Variants in NKAIN2 observed in about 807,000 individuals in gnomAD.
The protein encoded by NKAIN2 is sodium/potassium-transporting ATPase subunit beta-1-interacting protein 2.
Under a neutral mutation model 32.6 loss-of-function variants are expected in NKAIN2, and 14 were observed. The observed-to-expected ratio is 0.43, with a 90% CI of 0.28 to 0.67. The LOEUF (loss-of-function observed/expected upper bound fraction) is 0.67. Among genes scored for constraint, NKAIN2 ranks in the 30% least tolerant of loss-of-function variants. The pLI is 0.17. For synonymous variants in NKAIN2, 80 were observed against 87.2 expected, an observed-to-expected ratio of 0.92 and a Z score of 0.46; for missense variants, 198 against 258.3, an observed-to-expected ratio of 0.77 and a Z score of 1.60.
At chr6:123,945,894 G>C (rs1777040144) in intron 1 of NKAIN2, among the ~76,000 whole-genome samples, 1 of 152,124 alleles carries the variant, frequency 6.6e-6, no homozygotes, top group Non-Finnish European at 1.5e-5. Context: ...GGATGACTGA[G>C]CCTTCAGCAC....
intron 1 of NKAIN2, among the ~76,000 whole-genome samples, chr6:123,949,985 TAG>T (rs1199767327): frequency 3.3e-5 from 5 of 152,052 alleles, no homozygotes; most frequent in Admixed American, 1.3e-4. Context: ...GCCTAGTTTG[TAG>T]AGAGTTTTTA....
chr6:124,370,318 T>G (rs1430409538), intron 3 of NKAIN2, among the ~76,000 whole-genome samples: 1 of 152,004 alleles, frequency 6.6e-6, no homozygotes, highest in Admixed American at 6.6e-5. Context: ...TTCCGCCTCT[T>G]TATAGGTTAT....
intron 4 of NKAIN2, among the ~76,000 whole-genome samples, chr6:124,773,517 AG>A (rs1778853092): frequency 6.6e-6 from 1 of 152,142 alleles, no homozygotes; most frequent in South Asian, 2.1e-4. Context: ...ATGGGTTTAT[AG>A]GCCTGCAGGC....
intron 3 of NKAIN2, among the ~76,000 whole-genome samples, chr6:124,477,077 T>G (rs963922478): frequency 1.3e-5 from 2 of 152,146 alleles, no homozygotes; most frequent in African/African-American, 4.8e-5. Flanking sequence ...CTGCATTAAT[T>G]TTTTCTGTCA....
chr6:124,236,450 T>A (rs1456461515), intron 1 of NKAIN2, among the ~76,000 whole-genome samples: 1 of 152,096 alleles, frequency 6.6e-6, no homozygotes, highest in African/African-American at 2.4e-5. Flanking sequence ...TGGTCCAAGT[T>A]GTGGGAACAA....
At chr6:124,290,510 ATG>A (rs56389666) in intron 2 of NKAIN2, among the ~76,000 whole-genome samples, 33,710 of 137,522 alleles carry the variant, frequency 0.25, 4,135 homozygotes, top group East Asian at 0.39. Context: ...TACCTCAGAA[ATG>A]TGTGTGTGTG....
chr6:124,538,606 A>G (rs988864494), intron 3 of NKAIN2, among the ~76,000 whole-genome samples: 3 of 152,104 alleles, frequency 2.0e-5, no homozygotes, highest in Non-Finnish European at 4.4e-5. Flanking sequence ...ATTTTCAACT[A>G]TTATTCAGAT....
chr6:124,370,631 G>A (rs118107769), intron 3 of NKAIN2, among the ~76,000 whole-genome samples: 2,190 of 152,146 alleles, frequency 0.014, 29 homozygotes, highest in Non-Finnish European at 0.023. Flanking sequence ...TAGCAAAATA[G>A]CAATATTAAT....
In NKAIN2 at chr6:124,118,886, G is replaced by A. The variant is rs758347517; in HGVS notation, c.55-164119G>A. ...CTTTGTAGCATGAAAGAAACCATAG[G>A]TAATGTGTAAATGAATGGGTGTACC... On this transcript the variant is annotated intron_variant, in intron 1 of 6. Coordinates refer to ENST00000368417, the MANE Select transcript of NKAIN2 (RefSeq NM_001040214.3). Among the ~76,000 whole-genome samples, 58 of 152,072 alleles carry A rather than the reference G, an allele frequency of 3.8e-4. 1 individual carries two copies. The highest frequency in any genetic ancestry group is 8.8e-5 in the Non-Finnish European group (6 of 68,006).
At chr6:124,566,175 A>G (rs994861590) in intron 3 of NKAIN2, among the ~76,000 whole-genome samples, 7 of 152,244 alleles carry the variant, frequency 4.6e-5, no homozygotes, top group Admixed American at 3.3e-4. Context: ...AACTACAGAC[A>G]TGGCAAACTA....
chr6:123,899,589 C>T (rs1453944414), intron 1 of NKAIN2, among the ~76,000 whole-genome samples: 2 of 152,168 alleles, frequency 1.3e-5, no homozygotes, highest in Admixed American at 1.3e-4. Context: ...ACCTCATGCA[C>T]TGGTAAATGG....
intron 1 of NKAIN2, among the ~76,000 whole-genome samples, chr6:124,063,448 T>C (rs2114861181): frequency 6.6e-6 from 1 of 152,244 alleles, no homozygotes; most frequent in East Asian, 1.9e-4. Context: ...ATTTAGTCAT[T>C]GATCACTGAT....
chr6:124,211,337 G>A (rs1359025219), intron 1 of NKAIN2, among the ~76,000 whole-genome samples: 1 of 151,800 alleles, frequency 6.6e-6, no homozygotes, highest in Non-Finnish European at 1.5e-5. Context: ...TTCAGAAGGT[G>A]TTACATAACT....
At chr6:123,863,859 T>C (rs1055799050) in intron 1 of NKAIN2, among the ~76,000 whole-genome samples, 14 of 152,214 alleles carry the variant, frequency 9.2e-5, no homozygotes, top group African/African-American at 2.4e-4. Flanking sequence ...AAGCTCATTT[T>C]TTTTTCTGCC....
chr6:123,974,563 T>A (rs1386554800), intron 1 of NKAIN2, among the ~76,000 whole-genome samples: 1 of 152,112 alleles, frequency 6.6e-6, no homozygotes, highest in Non-Finnish European at 1.5e-5. Context: ...AAAAACCCAA[T>A]GTCAAAATGT....
chr6:124,484,254 C>T (rs927055590), intron 3 of NKAIN2, among the ~76,000 whole-genome samples: 8 of 152,140 alleles, frequency 5.3e-5, no homozygotes, highest in African/African-American at 1.9e-4. Context: ...TCCTTGAAGC[C>T]ACTGTTTAGA....
At chr6:123,805,903 C>T (rs1773195482) in intron 1 of NKAIN2, among the ~76,000 whole-genome samples, 1 of 152,054 alleles carries the variant, frequency 6.6e-6, no homozygotes, top group African/African-American at 2.4e-5. Context: ...AACTTCTAAT[C>T]ATGTAATATA....
intron 1 of NKAIN2, among the ~76,000 whole-genome samples, chr6:123,984,651 G>A (rs905163455): frequency 6.6e-6 from 1 of 152,076 alleles, no homozygotes; most frequent in African/African-American, 2.4e-5. Context: ...GATAAGCAAT[G>A]TAAATCCTCA....
intron 1 of NKAIN2, among the ~76,000 whole-genome samples, chr6:123,852,334 T>A (rs1360554027): frequency 1.3e-5 from 2 of 152,158 alleles, no homozygotes; most frequent in East Asian, 3.9e-4. Flanking sequence ...AAATTTCAAG[T>A]ACACAGTATA....
Sources: allele counts gnomAD v4.1 joint callset (sites outside exome capture counted in the v4.1 genomes callset), GRCh38; gene constraint gnomAD v4.1.1; transcripts MANE v1.5; gene names NCBI Gene and HGNC (gene_info 2026-07-23, HGNC 2026-07-21).